Variants in MEGF10 observed in about 807,000 individuals in gnomAD.
MEGF10 encodes the protein multiple epidermal growth factor-like domains protein 10.
A neutral mutation model predicts 147.5 loss-of-function variants in MEGF10; 86 were observed. The ratio of observed to expected loss-of-function variants is 0.58; its 90% CI spans 0.49 to 0.70. The LOEUF (loss-of-function observed/expected upper bound fraction) is 0.70, where lower values mean the gene tolerates loss of function less well. MEGF10 is among the 30% of genes least tolerant of loss of function. The pLI, the probability that MEGF10 is intolerant of heterozygous loss-of-function variation, is 0.00. For synonymous variants in MEGF10, 478 were observed against 525.5 expected (o/e 0.91, Z 1.24); for missense variants, 1,329 against 1,487.3 (o/e 0.89, Z 1.75).
rs187127246 is a variant in MEGF10 at position 127,318,307 on chromosome 5, C to T, written c.-18-12984C>T. ...GGTTTATGGCACTAGGTTGTAGCAGCCTGACCTAACACACCCATTGTATCT... is the reference window on the plus strand; with the variant it reads ...GGTTTATGGCACTAGGTTGTAGCAGTCTGACCTAACACACCCATTGTATCT... On this transcript the variant is annotated intron_variant, in intron 1 of 24. Transcript: ENST00000503335. Among the ~76,000 whole-genome samples, 40 of 152,244 alleles carry T rather than the reference C, an allele frequency of 2.6e-4. No homozygotes were observed. In the East Asian group the frequency reaches 7.5e-3, roughly 29 times the overall value.
In MEGF10 at chr5:127,402,676, G is replaced by A; in HGVS notation, c.911G>A (p.Gly304Glu). The A allele has an allele frequency of 1.2e-6, 2 of 1,613,872 alleles. No homozygotes were observed. Among genetic ancestry groups the A allele is most frequent in the Non-Finnish European group, 1.7e-6 (2 of 1,179,926 alleles). ...TGTCATTGCAGTCCAGGATACACAG[G>A]GGAACGGTAAGGGATGCCCTTGTAT... ...GQCHCSPGYTGERCQDECPVG... is the reference protein window; with the variant it reads ...GQCHCSPGYTEERCQDECPVG... The change falls in exon 8 of 25, where the codon GGG becomes GAG. Residue 304 changes from glycine to glutamate, a missense_variant. Gly to Glu is a moderately conservative substitution (Grantham distance 98, BLOSUM62 -2). Transcript: ENST00000503335.
the MEGF10 span, among the ~76,000 whole-genome samples, chr5:127,244,211 A>C: frequency 6.6e-6 from 1 of 151,274 alleles, no homozygotes; most frequent in East Asian, 1.9e-4. Context: ...AAAAAAAAAA[A>C]AAAAAATTCT....
At chr5:127,294,531 C>T (rs1006862570) in intron 1 of MEGF10, among the ~76,000 whole-genome samples, 1 of 152,088 alleles carries the variant, frequency 6.6e-6, no homozygotes, top group Admixed American at 6.5e-5. Flanking sequence ...GGGCATGGTG[C>T]CTCACGCCTG....
intron 1 of MEGF10, among the ~76,000 whole-genome samples, chr5:127,302,644 T>C (rs964182301): frequency 6.6e-6 from 1 of 152,210 alleles, no homozygotes; most frequent in African/African-American, 2.4e-5. Flanking sequence ...AATCAGCAGA[T>C]GTTTGCATTT....
In MEGF10 at chr5:127,298,083, T is replaced by C. The variant is rs543287013; in HGVS notation, c.-19+7027T>C. Among the ~76,000 whole-genome samples the C allele has an allele frequency of 3.3e-5, 5 of 152,282 alleles. No homozygotes were observed. The East Asian group carries it at 9.6e-4, about 29-fold the overall frequency. On this transcript the variant is annotated intron_variant, in intron 1 of 24. Coordinates refer to ENST00000503335, the MANE Select transcript of MEGF10 (RefSeq NM_001256545.2). ...GGCTTGAGTGTTTAGAATTTTAAGGTTTGGGACTATGGAAAGAGTTCATAT... is the reference window on the plus strand; with the variant it reads ...GGCTTGAGTGTTTAGAATTTTAAGGCTTGGGACTATGGAAAGAGTTCATAT...
intron 4 of MEGF10, among the ~76,000 whole-genome samples, chr5:127,364,409 C>T: frequency 6.6e-6 from 1 of 152,130 alleles, no homozygotes; most frequent in East Asian, 1.9e-4. Context: ...CTTATTATCC[C>T]TGGATTCTAC....
At chr5:127,353,108 T>C (rs781244037) in intron 4 of MEGF10, among the ~76,000 whole-genome samples, 5 of 152,188 alleles carry the variant, frequency 3.3e-5, no homozygotes, top group Non-Finnish European at 5.9e-5. Context: ...CCCATGAGCA[T>C]TGTGGATAGA....
At chr5:127,428,498 C>T (rs1765282898) in intron 13 of MEGF10, among the ~76,000 whole-genome samples, 1 of 152,182 alleles carries the variant, frequency 6.6e-6, no homozygotes, top group Admixed American at 6.5e-5. Context: ...TACTACACTA[C>T]ACTACGCTAC....
chr5:127,346,281 A>G (rs1761884641), intron 4 of MEGF10, among the ~76,000 whole-genome samples: 1 of 152,172 alleles, frequency 6.6e-6, no homozygotes, highest in Non-Finnish European at 1.5e-5. Flanking sequence ...AGGAATCTCC[A>G]CACCGTTTTC....
the MEGF10 span, among the ~76,000 whole-genome samples, chr5:127,234,924 A>G: frequency 6.6e-6 from 1 of 151,208 alleles, no homozygotes; most frequent in African/African-American, 2.4e-5. Context: ...GCTCACTGCA[A>G]CCTCCACCTC....
intron 18 of MEGF10, among the ~76,000 whole-genome samples, chr5:127,441,922 T>C (rs1765770865): frequency 6.6e-6 from 1 of 152,206 alleles, no homozygotes; most frequent in Non-Finnish European, 1.5e-5. Context: ...ATAACAAAAG[T>C]GACGTCCAGG....
chr5:127,348,331 C>G (rs1261036193), intron 4 of MEGF10, among the ~76,000 whole-genome samples: 1 of 152,018 alleles, frequency 6.6e-6, no homozygotes, highest in East Asian at 1.9e-4. Context: ...AAAAGCCTGC[C>G]TTCTTTTTCT....
At chr5:127,454,899 A>C (rs1179453043) in intron 23 of MEGF10, among the ~76,000 whole-genome samples, 1 of 152,154 alleles carries the variant, frequency 6.6e-6, no homozygotes, top group East Asian at 1.9e-4. Flanking sequence ...GGAAACATAT[A>C]AAGGGAAATA....
At chr5:127,439,175 G>A (rs1437329996) in intron 17 of MEGF10, among the ~76,000 whole-genome samples, 2 of 152,118 alleles carry the variant, frequency 1.3e-5, no homozygotes, top group Non-Finnish European at 2.9e-5. Flanking sequence ...GTAATTCATA[G>A]CATCCTAACC....
chr5:127,256,608 C>T, the MEGF10 span, among the ~76,000 whole-genome samples: 1 of 152,136 alleles, frequency 6.6e-6, no homozygotes, highest in African/African-American at 2.4e-5. Flanking sequence ...GCAGTGAGAC[C>T]CTATTACTGT....
At chr5:127,262,072 T>C in the MEGF10 span, among the ~76,000 whole-genome samples, 1 of 152,232 alleles carries the variant, frequency 6.6e-6, no homozygotes. Flanking sequence ...TCTTTCCACT[T>C]TTTCTTAATG....
At chr5:127,338,272 ATTGT>A (rs1429249374) in intron 2 of MEGF10, among the ~76,000 whole-genome samples, 2 of 152,006 alleles carry the variant, frequency 1.3e-5, no homozygotes, top group Non-Finnish European at 2.9e-5. Context: ...AATAGAATAA[ATTGT>A]TTGGAGAAGA....
chr5:127,375,388 G>T (rs536478779), intron 5 of MEGF10, among the ~76,000 whole-genome samples: 1 of 152,184 alleles, frequency 6.6e-6, no homozygotes, highest in East Asian at 1.9e-4. Flanking sequence ...GGCTTTCCTG[G>T]GTCTCAATGT....
upstream of MEGF10, among the ~76,000 whole-genome samples, chr5:127,286,944 A>G (rs747912913): frequency 1.1e-3 from 164 of 152,078 alleles, 1 homozygote; most frequent in Non-Finnish European, 1.9e-3. Context: ...TCAAATATAT[A>G]ATACATTACA....
Sources: allele counts gnomAD v4.1 joint callset (sites outside exome capture counted in the v4.1 genomes callset), GRCh38; gene constraint gnomAD v4.1.1; transcripts MANE v1.5; gene names NCBI Gene and HGNC (gene_info 2026-07-23, HGNC 2026-07-21).